Variants in ZBTB7C observed in about 807,000 individuals in gnomAD.
The protein encoded by ZBTB7C is zinc finger and BTB domain containing 7C.
Under a neutral mutation model 25.7 loss-of-function variants are expected in ZBTB7C, and 8 were observed. The ratio of observed to expected loss-of-function variants is 0.31; its 90% CI spans 0.18 to 0.56. ZBTB7C has a LOEUF of 0.56. ZBTB7C is among the 20% of genes least tolerant of loss of function. ZBTB7C has a pLI of 0.91. For missense variants in ZBTB7C, 824 were observed against 855.2 expected, an observed-to-expected ratio of 0.96 and a Z score of 0.46; for synonymous variants, 394 against 369.0, an observed-to-expected ratio of 1.07 and a Z score of -0.78.
In ZBTB7C at chr18:48,029,329, G is replaced by A. The variant is rs1300204860; in HGVS notation, c.1791C>T (p.Ala597=). Residue 597 remains alanine (A), a synonymous_variant, in exon 5 of 5, where the codon GCC becomes GCT. Transcript: ENST00000590800. ...PYFPLPDPWA[A]GLAGLPGLAG... ...CGAGCCCAGGGAGGCCGGCCAGGCC[G>A]GCGGCCCAAGGGTCGGGCAGCGGGA... is the stretch of plus-strand genomic sequence containing the variant. 6.5e-7 allele frequency: 1 copy of A among 1,540,606 alleles called. No homozygotes were observed. The highest frequency in any genetic ancestry group is 8.7e-7 in the Non-Finnish European group (1 of 1,148,716).
At chr18:48,165,866 G>C (rs1459168516) in intron 3 of ZBTB7C, among the ~76,000 whole-genome samples, 1 of 152,188 alleles carries the variant, frequency 6.6e-6, no homozygotes, top group African/African-American at 2.4e-5. Context: ...TTGGGTAAAG[G>C]GTGGGGAGAG....
intron 1 of ZBTB7C, among the ~76,000 whole-genome samples, chr18:48,393,346 G>A (rs1039658646): frequency 2.0e-5 from 3 of 149,584 alleles, no homozygotes; most frequent in African/African-American, 4.9e-5. Context: ...GCTAGATGAC[G>A]CACTTGCCCG....
At chr18:48,137,463 T>A (rs1032965929) in intron 3 of ZBTB7C, 1 of 300,246 alleles carries the variant, frequency 3.3e-6, no homozygotes, top group Non-Finnish European at 4.9e-6. Flanking sequence ...TTACCACTTA[T>A]CTCAAAGCAA....
chr18:48,228,747 TCACACA>T (rs55895960), intron 2 of ZBTB7C, among the ~76,000 whole-genome samples: 13 of 141,070 alleles, frequency 9.2e-5, no homozygotes, highest in South Asian at 2.5e-4. Flanking sequence ...TCTCTCTCTC[TCACACA>T]CACACACACA....
chr18:48,130,384 G>A (rs2039951226), intron 3 of ZBTB7C, among the ~76,000 whole-genome samples: 1 of 152,152 alleles, frequency 6.6e-6, no homozygotes, highest in African/African-American at 2.4e-5. Flanking sequence ...ACCCTGAGTG[G>A]GGAGGGAGAA....
At chr18:48,112,986 C>T (rs1002012523) in intron 3 of ZBTB7C, among the ~76,000 whole-genome samples, 10 of 152,152 alleles carry the variant, frequency 6.6e-5, no homozygotes, top group Non-Finnish European at 1.5e-5. Flanking sequence ...CAAGTTTGCC[C>T]GTGTAGACAA....
At chr18:48,079,994 C>T (rs570916650) in intron 3 of ZBTB7C, among the ~76,000 whole-genome samples, 7 of 152,356 alleles carry the variant, frequency 4.6e-5, no homozygotes, top group Middle Eastern at 3.4e-3. Context: ...TCTGTGCTAA[C>T]GACACCACTG....
intron 2 of ZBTB7C, among the ~76,000 whole-genome samples, chr18:48,281,612 A>G (rs550181211): frequency 6.6e-6 from 1 of 152,362 alleles, no homozygotes; most frequent in South Asian, 2.1e-4. Flanking sequence ...ACAAATTTAC[A>G]AGAAAACAAC....
At chr18:48,367,590 A>G (rs2047275591) in intron 1 of ZBTB7C, among the ~76,000 whole-genome samples, 1 of 151,848 alleles carries the variant, frequency 6.6e-6, no homozygotes, top group Non-Finnish European at 1.5e-5. Context: ...ATAACTAGGA[A>G]AGAGGCAGCC....
chr18:48,196,353 T>C (rs981441351), intron 2 of ZBTB7C, among the ~76,000 whole-genome samples: 8 of 152,186 alleles, frequency 5.3e-5, no homozygotes. Context: ...TAGGAAGGAT[T>C]TGGCAAACTA....
chr18:48,257,611 C>T (rs1369520719), intron 2 of ZBTB7C, among the ~76,000 whole-genome samples: 1 of 152,012 alleles, frequency 6.6e-6, no homozygotes, highest in Non-Finnish European at 1.5e-5. Context: ...GAAAAGAAAA[C>T]TACAGACTAA....
At chr18:48,068,329 C>T (rs1199380860) in intron 3 of ZBTB7C, among the ~76,000 whole-genome samples, 1 of 151,690 alleles carries the variant, frequency 6.6e-6, no homozygotes, top group Non-Finnish European at 1.5e-5. Context: ...TTATTAGAAA[C>T]GGGGTTTCAC....
intron 1 of ZBTB7C, among the ~76,000 whole-genome samples, chr18:48,402,642 G>T (rs1335456786): frequency 6.6e-6 from 1 of 152,182 alleles, no homozygotes; most frequent in Non-Finnish European, 1.5e-5. Context: ...AGGCTCTCAA[G>T]AGAAAGGAAC....
intron 2 of ZBTB7C, among the ~76,000 whole-genome samples, chr18:48,310,230 A>AG (rs1179108492): frequency 1.4e-5 from 2 of 139,352 alleles, no homozygotes; most frequent in Non-Finnish European, 3.1e-5. Context: ...ACTCCACCTC[A>AG]AAAAAAAAAA....
chr18:48,327,029 C>T (rs2046235868), intron 2 of ZBTB7C, among the ~76,000 whole-genome samples: 1 of 152,188 alleles, frequency 6.6e-6, no homozygotes, highest in Non-Finnish European at 1.5e-5. Context: ...TTCCCACCCT[C>T]ACATCAGCCC....
intron 3 of ZBTB7C, among the ~76,000 whole-genome samples, chr18:48,065,590 G>A (rs2037298901): frequency 6.6e-6 from 1 of 152,170 alleles, no homozygotes; most frequent in South Asian, 2.1e-4. Context: ...GGAATTGGAG[G>A]GCTCTCAGGA....
At chr18:48,338,569 C>T (rs111917360) in intron 1 of ZBTB7C, among the ~76,000 whole-genome samples, 171 bp from the exon 2 acceptor site, 4,790 of 152,210 alleles carry the variant, frequency 0.031, 98 homozygotes, top group South Asian at 0.098. Flanking sequence ...CTGACAGTGT[C>T]CTGCCCACCA....
At chr18:48,083,765 G>A (rs2038080489) in intron 3 of ZBTB7C, 3 of 911,234 alleles carry the variant, frequency 3.3e-6, no homozygotes, top group Middle Eastern at 5.7e-4. Context: ...GACTGTAAAT[G>A]GTGGCTGGGT....
intron 2 of ZBTB7C, among the ~76,000 whole-genome samples, chr18:48,219,891 T>C (rs1036487655): frequency 2.0e-5 from 3 of 151,880 alleles, no homozygotes; most frequent in Non-Finnish European, 2.9e-5. Flanking sequence ...TGGGAGGCAA[T>C]TGCAACAGAA....
Sources: gnomAD v4.1 joint callset for allele counts (sites outside exome capture counted in the v4.1 genomes callset) on GRCh38, gnomAD v4.1.1 for gene constraint, MANE v1.5 for transcripts, NCBI Gene and HGNC (gene_info 2026-07-23, HGNC 2026-07-21) for gene names.